MTMR12: variants seen among roughly 807,000 people sequenced by gnomAD.
MTMR12 encodes myotubularin related protein 12.
A neutral mutation model predicts 96.7 loss-of-function variants in MTMR12; 33 were observed. That is an observed-to-expected ratio of 0.34 (90% CI 0.26 to 0.46). The LOEUF (loss-of-function observed/expected upper bound fraction) is 0.46. Among genes scored for constraint, MTMR12 ranks in the 20% least tolerant of loss-of-function variants. The pLI is 1.00. For missense variants in MTMR12, 721 were observed against 896.1 expected (o/e 0.80, Z 2.49); for synonymous variants, 298 against 327.2 (o/e 0.91, Z 0.96).
intron 7 of MTMR12, among the ~76,000 whole-genome samples, chr5:32,257,664 G>T (rs950934803): frequency 6.6e-6 from 1 of 152,072 alleles, no homozygotes; most frequent in Non-Finnish European, 1.5e-5. Context: ...AGCTACTCGA[G>T]AGGCTGAAGC....
chr5:32,296,409 G>A, intron 1 of MTMR12: 1 of 273,622 alleles, frequency 3.7e-6, no homozygotes, highest in Non-Finnish European at 8.1e-6. Flanking sequence ...AGCCCAGGAG[G>A]TTGAGGCTGG....
At chr5:32,278,617 A>T (rs1164011313) in intron 1 of MTMR12, among the ~76,000 whole-genome samples, 3 of 152,140 alleles carry the variant, frequency 2.0e-5, no homozygotes. Context: ...GAAGCTTGTT[A>T]TCTAAACACT....
intron 1 of MTMR12, among the ~76,000 whole-genome samples, chr5:32,288,699 T>C (rs1581636142): frequency 6.6e-6 from 1 of 152,208 alleles, no homozygotes; most frequent in African/African-American, 2.4e-5. Flanking sequence ...CTGCTTTTAA[T>C]GTTGCAGCTC....
chr5:32,298,805 T>C (rs553448826), intron 1 of MTMR12, among the ~76,000 whole-genome samples: 1 of 151,324 alleles, frequency 6.6e-6, no homozygotes, highest in East Asian at 1.9e-4. Flanking sequence ...AAAAAAAAAT[T>C]AGCTGGGCGT....
intron 8 of MTMR12, among the ~76,000 whole-genome samples, chr5:32,254,764 A>G (rs1749074839): frequency 1.3e-5 from 2 of 152,118 alleles, no homozygotes; most frequent in Non-Finnish European, 2.9e-5. Flanking sequence ...GAATTGCTTG[A>G]ACTTGGGAGG....
chr5:32,290,279 T>C (rs1750692764), intron 1 of MTMR12, among the ~76,000 whole-genome samples: 1 of 152,206 alleles, frequency 6.6e-6, no homozygotes, highest in South Asian at 2.1e-4. Flanking sequence ...TTGATCGCTT[T>C]TTGCTTCCAC....
intron 6 of MTMR12, among the ~76,000 whole-genome samples, chr5:32,265,235 C>T (rs1749543696): frequency 6.6e-6 from 1 of 152,154 alleles, no homozygotes; most frequent in Non-Finnish European, 1.5e-5. Context: ...ATAACCTTTA[C>T]TTCTCAAAAC....
At chr5:32,255,083 C>T (rs147977475) in intron 8 of MTMR12, among the ~76,000 whole-genome samples, 2 of 152,284 alleles carry the variant, frequency 1.3e-5, no homozygotes, top group East Asian at 3.9e-4. Flanking sequence ...ATACCTCCAC[C>T]CATATGGGAG....
At chr5:32,254,969 A>C (rs749032928) in intron 8 of MTMR12, among the ~76,000 whole-genome samples, 2 of 152,218 alleles carry the variant, frequency 1.3e-5, no homozygotes, top group Non-Finnish European at 2.9e-5. Flanking sequence ...AGCACTGAAG[A>C]GATGTCCCCC....
At position 32,235,543 on chromosome 5, in the gene MTMR12, G is replaced by A. The variant is rs544598337; in HGVS notation, c.1345-414C>T. On this transcript the variant is annotated intron_variant, in intron 13 of 15. Coordinates refer to ENST00000382142, the MANE Select transcript of MTMR12 (RefSeq NM_001040446.3). ...AATTATGAGTGCTACTTTGAATTTTGTCAATGAAAAGTTACGGGGGGTGGG... is the reference window on the plus strand; with the variant it reads ...AATTATGAGTGCTACTTTGAATTTTATCAATGAAAAGTTACGGGGGGTGGG... Among the ~76,000 whole-genome samples, 17 of 152,086 alleles carry A rather than the reference G, an allele frequency of 1.1e-4. No homozygotes were observed. In the South Asian group the frequency reaches 3.5e-3, roughly 32 times the overall value.
intron 1 of MTMR12, among the ~76,000 whole-genome samples, chr5:32,301,560 G>A (rs1436098428): frequency 6.6e-6 from 1 of 152,184 alleles, no homozygotes; most frequent in Non-Finnish European, 1.5e-5. Flanking sequence ...TTGAAAAACA[G>A]GACTCATTCA....
In MTMR12 at chr5:32,228,542, TATCA is replaced by T. The variant is rs1343528244; in HGVS notation, c.*1232_*1235del. Reference sequence around the variant, plus strand: ...ATATATATCATATATATGATATATATATCATATATATGTGATATATATATATCAT... The same window carrying T: ...ATATATATCATATATATGATATATATTATATATGTGATATATATATATCAT... On this transcript the variant is annotated 3_prime_UTR_variant, in exon 16 of 16. Coordinates refer to ENST00000382142, the MANE Select transcript of MTMR12 (RefSeq NM_001040446.3). The T allele has an allele frequency of 2.8e-5, 4 of 141,166 alleles. No individual in the cohort carries two copies. The highest frequency in any genetic ancestry group is 7.2e-5 in the Admixed American group (1 of 13,800). The allele number at this position is 141,166 out of a possible 1,614,324, so 8.7% of individuals were successfully genotyped here. A position where few individuals can be genotyped will look rare whatever the true frequency, so the allele number is the denominator to read the frequency against.
chr5:32,280,808 C>G (rs534455804), intron 1 of MTMR12, among the ~76,000 whole-genome samples: 1 of 152,254 alleles, frequency 6.6e-6, no homozygotes, highest in South Asian at 2.1e-4. Context: ...ACAATACTAC[C>G]TAGTATGAGA....
intron 6 of MTMR12, among the ~76,000 whole-genome samples, chr5:32,266,176 G>A (rs1749584214): frequency 6.6e-6 from 1 of 152,092 alleles, no homozygotes. Context: ...ACATCACTCA[G>A]CTTCCTCTCC....
intron 10 of MTMR12, among the ~76,000 whole-genome samples, chr5:32,246,251 C>T: frequency 6.7e-6 from 1 of 149,124 alleles, no homozygotes; most frequent in East Asian, 2.0e-4. Flanking sequence ...ACAGCAACCT[C>T]CACCTCTCGG....
Position 32,228,516 on chromosome 5 carries a change from AAT to A in MTMR12, c.*1260_*1261del, listed in dbSNP as rs1200022072. ...AAGTATACTTTCCTGCATTAAAAAA[AAT>A]ATATATCATATATATGATATATATA... is the stretch of plus-strand genomic sequence containing the variant. On this transcript the variant is annotated 3_prime_UTR_variant, in exon 16 of 16. Transcript: ENST00000382142. 9.2e-6 allele frequency: 1 copy of A among 108,224 alleles called. No homozygotes were observed. Among genetic ancestry groups the A allele is most frequent in the Non-Finnish European group, 2.0e-5 (1 of 49,844 alleles). The allele number at this position is 108,224 out of a possible 1,614,324, so 6.7% of individuals were successfully genotyped here. A position where few individuals can be genotyped will look rare whatever the true frequency, so the allele number is the denominator to read the frequency against.
chr5:32,248,656 T>A, intron 9 of MTMR12, 116 bp downstream of exon 9: 1 of 733,152 alleles, frequency 1.4e-6, no homozygotes, highest in South Asian at 1.7e-5. Context: ...TAAGTTGTAT[T>A]CCCCTAGCAT....
At chr5:32,294,636 TCTTAC>T (rs1224843145) in intron 1 of MTMR12, among the ~76,000 whole-genome samples, 3 of 152,124 alleles carry the variant, frequency 2.0e-5, no homozygotes, top group Non-Finnish European at 4.4e-5. Context: ...TGCAAGAGTC[TCTTAC>T]CTTGTCTGTC....
chr5:32,279,167 G>A (rs1750184641), intron 1 of MTMR12, among the ~76,000 whole-genome samples: 1 of 151,240 alleles, frequency 6.6e-6, no homozygotes, highest in Non-Finnish European at 1.5e-5. Flanking sequence ...AACACTTTGG[G>A]AGGCCGAGGT....
Sources: allele counts gnomAD v4.1 joint callset (sites outside exome capture counted in the v4.1 genomes callset), GRCh38; gene constraint gnomAD v4.1.1; transcripts MANE v1.5; gene names NCBI Gene and HGNC (gene_info 2026-07-23, HGNC 2026-07-21).